The following RALB variants were observed in gnomAD, a reference collection of about 807,000 sequenced individuals.
RALB encodes ras-related protein Ral-B.
In RALB, 16 loss-of-function variants were observed where a neutral mutation model predicts 21.3. That is an observed-to-expected ratio of 0.75 (90% CI 0.51 to 1.14). The LOEUF is 1.14. RALB is among the 50% of genes most tolerant of loss of function. RALB has a pLI of 0.00. For missense variants in RALB, 161 were observed against 256.2 expected, an observed-to-expected ratio of 0.63 and a Z score of 2.54; for synonymous variants, 93 against 96.1, an observed-to-expected ratio of 0.97 and a Z score of 0.19.
intron 4 of RALB, 70 bp downstream of exon 4, chr2:120,289,827 C>T: frequency 7.0e-7 from 1 of 1,436,716 alleles, no homozygotes. Flanking sequence ...ATCTCATCTG[C>T]TGGGTTTTAG....
chr2:120,263,376 C>G (rs1440903779), intron 1 of RALB, among the ~76,000 whole-genome samples: 3 of 152,034 alleles, frequency 2.0e-5, no homozygotes, highest in Non-Finnish European at 4.4e-5. Flanking sequence ...CCAGGCTGGT[C>G]TTAAACTCCT....
chr2:120,275,610 ATGT>A (rs1331176217), intron 1 of RALB, among the ~76,000 whole-genome samples: 1 of 151,644 alleles, frequency 6.6e-6, no homozygotes, highest in Non-Finnish European at 1.5e-5. Flanking sequence ...ATTTAAGATG[ATGT>A]TGTTTTATTT....
chr2:120,289,098 A>C (rs910675294), intron 3 of RALB, among the ~76,000 whole-genome samples: 6 of 152,198 alleles, frequency 3.9e-5, no homozygotes, highest in African/African-American at 1.4e-4. Flanking sequence ...GTGATCCACT[A>C]ATAGGCTGCC....
At chr2:120,285,760 G>A (rs1377319782) in intron 2 of RALB, 114 bp from the exon 3 acceptor site, 1 of 785,608 alleles carries the variant, frequency 1.3e-6, no homozygotes, top group Non-Finnish European at 2.1e-6. Flanking sequence ...GTAAAATGTT[G>A]CTTCTGTAGT....
rs933070480 is a variant in RALB, at chr2:120,289,764, G to A, written c.501+7G>A. 69 of 1,591,300 alleles carry A rather than the reference G, an allele frequency of 4.3e-5. No homozygotes were observed. The highest frequency in any genetic ancestry group is 1.1e-4 in the African/African-American group (8 of 74,076). ...CCGGGCCAACGTGGACAAGGTAGGCGTGAATTCTGTGTATTTCTCAGAAAC... is the reference window on the plus strand; with the variant it reads ...CCGGGCCAACGTGGACAAGGTAGGCATGAATTCTGTGTATTTCTCAGAAAC... On this transcript the variant is annotated splice_region_variant and intron_variant, in intron 4 of 4. Transcript: ENST00000272519.
chr2:120,293,344 T>C lies in RALB; in HGVS notation c.*84T>C. The C allele has an allele frequency of 1.4e-6, 2 of 1,383,162 alleles. No homozygotes were observed. Among genetic ancestry groups the C allele is most frequent in the Non-Finnish European group, 1.9e-6 (2 of 1,050,214 alleles). The allele number at this position is 1,383,162 out of a possible 1,614,324, so 85.7% of individuals were successfully genotyped here. A position where few individuals can be genotyped will look rare whatever the true frequency, so the allele number is the denominator to read the frequency against. On this transcript the variant is annotated 3_prime_UTR_variant, in exon 5 of 5. Transcript: ENST00000272519. Reference sequence around the variant, plus strand: ...GAGAAGGCTATGGTTGACTTCTTGCTTGTGCTTCCCACTCTCCCCGACTTC... The same window carrying C: ...GAGAAGGCTATGGTTGACTTCTTGCCTGTGCTTCCCACTCTCCCCGACTTC...
intron 4 of RALB, among the ~76,000 whole-genome samples, chr2:120,291,820 G>A (rs1466741931): frequency 1.3e-5 from 2 of 152,154 alleles, no homozygotes; most frequent in Non-Finnish European, 2.9e-5. Context: ...CTAGCTGGGG[G>A]CTGGGGTTGG....
At chr2:120,254,216 G>A (rs1240153210) in intron 1 of RALB, among the ~76,000 whole-genome samples, 1 of 152,224 alleles carries the variant, frequency 6.6e-6, no homozygotes, top group African/African-American at 2.4e-5. Flanking sequence ...CTGAGCTCCA[G>A]AGTCAGCAAC....
At chr2:120,287,847 ATGT>A (rs767794935) in intron 3 of RALB, among the ~76,000 whole-genome samples, 37 of 152,354 alleles carry the variant, frequency 2.4e-4, no homozygotes, top group Non-Finnish European at 5.0e-4. Flanking sequence ...TAGGTTTCTC[ATGT>A]TGTTGGGAAC....
At chr2:120,287,881 T>C (rs1690205428) in intron 3 of RALB, among the ~76,000 whole-genome samples, 1 of 152,256 alleles carries the variant, frequency 6.6e-6, no homozygotes, top group African/African-American at 2.4e-5. Context: ...AGGTCAATTA[T>C]CTGAGCCCTG....
chr2:120,280,480 C>G (rs1380383187), intron 2 of RALB, among the ~76,000 whole-genome samples: 1 of 135,342 alleles, frequency 7.4e-6, no homozygotes, highest in Non-Finnish European at 1.5e-5. Flanking sequence ...TATTCTCACT[C>G]ATAAGTGGGA....
chr2:120,251,325 A>G (rs140414525), upstream of RALB, among the ~76,000 whole-genome samples: 216 of 152,346 alleles, frequency 1.4e-3, no homozygotes, highest in African/African-American at 5.0e-3. Context: ...TGGTGATCAC[A>G]CACTTGACTG....
intron 4 of RALB, 140 bp from the exon 5 acceptor site, chr2:120,293,001 G>A (rs1157454636): frequency 2.4e-6 from 2 of 832,210 alleles, no homozygotes; most frequent in Admixed American, 4.1e-5. Flanking sequence ...GCTTTAAAAT[G>A]TAACTACATA....
chr2:120,278,929 C>T (rs1689915452), intron 2 of RALB, 151 bp downstream of exon 2: 2 of 594,252 alleles, frequency 3.4e-6, no homozygotes, highest in South Asian at 1.1e-4. Flanking sequence ...CTAGGAAGGT[C>T]TAATCAGCAT....
At chr2:120,250,921 A>T (rs1188608726), upstream of RALB, among the ~76,000 whole-genome samples, 1 of 152,196 alleles carries the variant, frequency 6.6e-6, no homozygotes, top group Admixed American at 6.5e-5. Context: ...ATCTGAATAG[A>T]TGATCCTGCT....
At chr2:120,286,784 G>A (rs1690170689) in intron 3 of RALB, among the ~76,000 whole-genome samples, 1 of 152,230 alleles carries the variant, frequency 6.6e-6, no homozygotes, top group Non-Finnish European at 1.5e-5. Flanking sequence ...GACACATGGT[G>A]CTTCCATAGT....
intron 1 of RALB, among the ~76,000 whole-genome samples, chr2:120,269,141 C>T (rs992617546): frequency 1.1e-4 from 16 of 152,144 alleles, no homozygotes; most frequent in African/African-American, 2.2e-4. Context: ...GTGGGTTCAT[C>T]GTCTTGCTGA....
upstream of RALB, among the ~76,000 whole-genome samples, chr2:120,251,939 C>T (rs904995907): frequency 6.6e-6 from 1 of 152,128 alleles, no homozygotes; most frequent in Non-Finnish European, 1.5e-5. Context: ...ATATAGTATA[C>T]ACATGCATCC....
intron 1 of RALB, among the ~76,000 whole-genome samples, chr2:120,243,922 T>C (rs2104565200): frequency 6.6e-6 from 1 of 152,264 alleles, no homozygotes; most frequent in South Asian, 2.1e-4. Context: ...CTCACACTAC[T>C]ATAAAGAACT....
Sources: allele counts gnomAD v4.1 joint callset (sites outside exome capture counted in the v4.1 genomes callset), GRCh38; gene constraint gnomAD v4.1.1; transcripts MANE v1.5; gene names NCBI Gene and HGNC (gene_info 2026-07-23, HGNC 2026-07-21).